ARHGAP24: variants seen among roughly 807,000 people sequenced by gnomAD.
The protein encoded by ARHGAP24 is rho GTPase-activating protein 24.
In ARHGAP24, 50 loss-of-function variants were observed where a neutral mutation model predicts 76.4. The observed-to-expected ratio is 0.65, with a 90% CI of 0.52 to 0.83. The LOEUF is 0.83. Among genes scored for constraint, ARHGAP24 ranks in the 40% least tolerant of loss-of-function variants. ARHGAP24 has a pLI of 0.00. For missense variants in ARHGAP24, 930 were observed against 914.2 expected (o/e 1.02, Z -0.22); for synonymous variants, 345 against 323.3 (o/e 1.07, Z -0.72).
At chr4:85,787,050 T>G (rs1727875996) in intron 3 of ARHGAP24, among the ~76,000 whole-genome samples, 1 of 152,208 alleles carries the variant, frequency 6.6e-6, no homozygotes, top group Non-Finnish European at 1.5e-5. Context: ...AGCACAGTGT[T>G]TCACCCACAA....
chr4:85,500,879 C>T (rs529299508), intron 1 of ARHGAP24, among the ~76,000 whole-genome samples: 1 of 151,830 alleles, frequency 6.6e-6, no homozygotes, highest in Non-Finnish European at 1.5e-5. Flanking sequence ...CTCCCACCCC[C>T]CCACCAACAG....
intron 3 of ARHGAP24, among the ~76,000 whole-genome samples, chr4:85,728,893 A>G (rs1725282206): frequency 6.6e-6 from 1 of 152,236 alleles, no homozygotes; most frequent in African/African-American, 2.4e-5. Flanking sequence ...ACTTGCTGTC[A>G]TTTGAAAATG....
At chr4:85,642,645 A>G (rs1193301562) in intron 2 of ARHGAP24, among the ~76,000 whole-genome samples, 2 of 152,062 alleles carry the variant, frequency 1.3e-5, no homozygotes, top group African/African-American at 4.8e-5. Context: ...AATATATCCA[A>G]AACTTTAACA....
chr4:85,720,607 T>C (rs1013836521), intron 2 of ARHGAP24, among the ~76,000 whole-genome samples: 1 of 152,188 alleles, frequency 6.6e-6, no homozygotes, highest in Non-Finnish European at 1.5e-5. Flanking sequence ...ATTACTCCGA[T>C]ATTCATTGGC....
At chr4:85,894,726 G>A (rs952825935) in intron 3 of ARHGAP24, among the ~76,000 whole-genome samples, 7 of 152,024 alleles carry the variant, frequency 4.6e-5, no homozygotes, top group Admixed American at 3.3e-4. Flanking sequence ...TTGGGAGACC[G>A]AGGTGGGTGG....
chr4:85,889,758 A>G (rs1733779618), intron 3 of ARHGAP24, among the ~76,000 whole-genome samples: 2 of 152,180 alleles, frequency 1.3e-5, no homozygotes, highest in South Asian at 2.1e-4. Context: ...TCTTCTATAA[A>G]TAATGCCCTG....
chr4:85,568,945 A>C (rs1726962679), intron 1 of ARHGAP24, among the ~76,000 whole-genome samples: 1 of 152,194 alleles, frequency 6.6e-6, no homozygotes, highest in Non-Finnish European at 1.5e-5. Flanking sequence ...ATAAGAAGTA[A>C]TTAGAACGAA....
At chr4:85,664,642 G>T (rs1265690080) in intron 2 of ARHGAP24, among the ~76,000 whole-genome samples, 1 of 150,024 alleles carries the variant, frequency 6.7e-6, no homozygotes, top group Non-Finnish European at 1.5e-5. Flanking sequence ...TTTCTCTTGT[G>T]GGCATTTAGT....
chr4:85,513,130 C>T (rs1287748343), intron 1 of ARHGAP24, among the ~76,000 whole-genome samples: 1 of 152,232 alleles, frequency 6.6e-6, no homozygotes, highest in African/African-American at 2.4e-5. Context: ...TGCTGGACCT[C>T]CAATTATCCA....
intron 3 of ARHGAP24, among the ~76,000 whole-genome samples, chr4:85,880,717 G>A (rs1328041237): frequency 6.6e-6 from 1 of 152,146 alleles, no homozygotes; most frequent in African/African-American, 2.4e-5. Context: ...TTTTAGTAGA[G>A]ACGGGGTTTC....
In ARHGAP24 at chr4:85,646,359, G is replaced by C; in HGVS notation, c.181-75526G>C. 1.3e-5 allele frequency among the ~76,000 whole-genome samples: 2 copies of C among 152,078 alleles called. 1 individual carries two copies. Among genetic ancestry groups the C allele is most frequent in the South Asian group, 4.1e-4 (2 of 4,820 alleles). On this transcript the variant is annotated intron_variant, in intron 2 of 9. Transcript: ENST00000395184. ...ATTACAGGCTTTTAGACTAAAAAAAGGTGTTAAATGTAATGTGGTATTACT... is the reference window on the plus strand; with the variant it reads ...ATTACAGGCTTTTAGACTAAAAAAACGTGTTAAATGTAATGTGGTATTACT...
At chr4:85,822,641 C>T (rs1271403779) in intron 3 of ARHGAP24, among the ~76,000 whole-genome samples, 1 of 152,154 alleles carries the variant, frequency 6.6e-6, no homozygotes, top group African/African-American at 2.4e-5. Context: ...GAAGACAATA[C>T]ATTTTCTTGA....
chr4:85,799,848 A>G (rs948079665), intron 3 of ARHGAP24, among the ~76,000 whole-genome samples: 1 of 152,156 alleles, frequency 6.6e-6, no homozygotes, highest in African/African-American at 2.4e-5. Flanking sequence ...CTGTGTCATC[A>G]TTTCTAATAA....
chr4:85,747,508 C>T (rs1233125020), intron 3 of ARHGAP24, among the ~76,000 whole-genome samples: 1 of 152,170 alleles, frequency 6.6e-6, no homozygotes, highest in African/African-American at 2.4e-5. Flanking sequence ...TCGAGACCAT[C>T]CTGGCTAACG....
intron 4 of ARHGAP24, among the ~76,000 whole-genome samples, chr4:85,929,080 T>G (rs1037855977): frequency 6.6e-6 from 1 of 152,230 alleles, no homozygotes; most frequent in Non-Finnish European, 1.5e-5. Flanking sequence ...TCACTTCCTG[T>G]GAAAATCCTG....
At chr4:85,655,626 A>G (rs1335489352) in intron 2 of ARHGAP24, among the ~76,000 whole-genome samples, 2 of 151,850 alleles carry the variant, frequency 1.3e-5, no homozygotes, top group Non-Finnish European at 2.9e-5. Context: ...TACTAAAAAT[A>G]CAAAAATTAG....
At chr4:85,652,610 T>A (rs1054096797) in intron 2 of ARHGAP24, among the ~76,000 whole-genome samples, 3 of 152,212 alleles carry the variant, frequency 2.0e-5, no homozygotes, top group Admixed American at 6.5e-5. Context: ...AGTGCCTGAA[T>A]CATTCTAGAG....
At chr4:85,829,523 C>CT (rs201252858) in intron 3 of ARHGAP24, among the ~76,000 whole-genome samples, 2 of 152,330 alleles carry the variant, frequency 1.3e-5, no homozygotes, top group East Asian at 1.9e-4. Flanking sequence ...ACACCTGACT[C>CT]TAACACTGTA....
chr4:85,625,607 G>A (rs1720916788), intron 2 of ARHGAP24, among the ~76,000 whole-genome samples: 1 of 152,178 alleles, frequency 6.6e-6, no homozygotes, highest in South Asian at 2.1e-4. Context: ...GCAGAGCTGA[G>A]TTCAATTCCT....
Sources: gnomAD v4.1 joint callset for allele counts (sites outside exome capture counted in the v4.1 genomes callset) on GRCh38, gnomAD v4.1.1 for gene constraint, MANE v1.5 for transcripts, NCBI Gene and HGNC (gene_info 2026-07-23, HGNC 2026-07-21) for gene names.